CD86: variants seen among roughly 807,000 people sequenced by gnomAD.
The protein encoded by CD86 is CD86 molecule, also known as T-lymphocyte activation antigen CD86.
A neutral mutation model predicts 32.1 loss-of-function variants in CD86; 11 were observed. The observed-to-expected ratio is 0.34, with a 90% CI of 0.22 to 0.57. The LOEUF is 0.57. Ranked by LOEUF, CD86 falls within the 20% of genes least tolerant of loss-of-function variation. CD86 has a pLI of 0.86. For synonymous variants in CD86, 137 were observed against 135.3 expected (o/e 1.01, Z -0.09); for missense variants, 359 against 398.4 (o/e 0.90, Z 0.84).
chr3:122,066,325 A>G (rs2072412480), intron 1 of CD86, among the ~76,000 whole-genome samples: 1 of 152,210 alleles, frequency 6.6e-6, no homozygotes, highest in Admixed American at 6.5e-5. Flanking sequence ...TCAAGTGCAT[A>G]GCTCAGAGTA....
At chr3:122,067,614 CA>C (rs1452867364) in intron 1 of CD86, among the ~76,000 whole-genome samples, 4 of 152,176 alleles carry the variant, frequency 2.6e-5, no homozygotes, top group Non-Finnish European at 4.4e-5. Flanking sequence ...TGCAGTCCAC[CA>C]AATGCAAAGA....
At chr3:122,076,942 A>G (rs1162570006) in intron 1 of CD86, among the ~76,000 whole-genome samples, 2 of 152,134 alleles carry the variant, frequency 1.3e-5, no homozygotes, top group Non-Finnish European at 2.9e-5. Context: ...TTCCAAACCC[A>G]CACCCCTTCC....
intron 5 of CD86, among the ~76,000 whole-genome samples, chr3:122,111,066 C>G (rs756445198): frequency 2.1e-4 from 32 of 152,152 alleles, no homozygotes; most frequent in Non-Finnish European, 4.0e-4. Flanking sequence ...TCTGTAGGTA[C>G]AGATGAGATG....
intron 1 of CD86, among the ~76,000 whole-genome samples, chr3:122,080,936 A>G (rs568933480): frequency 6.6e-6 from 1 of 152,084 alleles, no homozygotes; most frequent in Non-Finnish European, 1.5e-5. Context: ...CTGCCTCTTT[A>G]CTGCTTCAGG....
At chr3:122,061,626 T>C (rs901453092) in intron 1 of CD86, among the ~76,000 whole-genome samples, 1 of 152,192 alleles carries the variant, frequency 6.6e-6, no homozygotes, top group Non-Finnish European at 1.5e-5. Flanking sequence ...CATTTGCCTT[T>C]ATGAAAAAAT....
chr3:122,066,588 T>A (rs2715269), intron 1 of CD86, among the ~76,000 whole-genome samples: 145,237 of 152,068 alleles, frequency 0.96, 69,703 homozygotes, highest in East Asian at 1. Context: ...ATAAATTTTT[T>A]AAAAAATATT....
intron 1 of CD86, among the ~76,000 whole-genome samples, chr3:122,067,015 AACAGCTTCCAC>A (rs1025797796): frequency 1.1e-4 from 17 of 152,148 alleles, no homozygotes; most frequent in Admixed American, 1.0e-3. Flanking sequence ...AGGCAGAAGA[AACAGCTTCCAC>A]AGAGGTAAAG....
chr3:122,063,658 G>A (rs1216037108), intron 1 of CD86, among the ~76,000 whole-genome samples: 2 of 150,016 alleles, frequency 1.3e-5, no homozygotes, highest in African/African-American at 2.5e-5. Flanking sequence ...GAGTGCAGTA[G>A]TGCAATCTCA....
chr3:122,067,719 C>T (rs2072434460), intron 1 of CD86, among the ~76,000 whole-genome samples: 1 of 152,126 alleles, frequency 6.6e-6, no homozygotes, highest in Non-Finnish European at 1.5e-5. Flanking sequence ...TGTTTGCAAT[C>T]TTAAATAAGA....
intron 4 of CD86, 22 bp downstream of exon 4, chr3:122,106,522 A>C (rs771346920): frequency 1.3e-6 from 2 of 1,569,182 alleles, no homozygotes; most frequent in Non-Finnish European, 8.7e-7. Flanking sequence ...TTCCAAGACT[A>C]TTTCTTTCAG....
At chr3:122,103,952 G>T (rs988275288) in intron 3 of CD86, 105 bp downstream of exon 3, 1 of 914,698 alleles carries the variant, frequency 1.1e-6, no homozygotes, top group African/African-American at 1.7e-5. Flanking sequence ...AGGGGAAAAG[G>T]GGGGTCTATA....
chr3:122,118,242 G>A (rs2073287014), intron 6 of CD86, 149 bp downstream of exon 6: 1 of 665,446 alleles, frequency 1.5e-6, no homozygotes, highest in Admixed American at 2.4e-5. Flanking sequence ...GTTAAGAACT[G>A]GAAGAAAATA....
intron 1 of CD86, among the ~76,000 whole-genome samples, chr3:122,084,430 A>G (rs148205869): frequency 1.3e-5 from 2 of 152,352 alleles, no homozygotes; most frequent in Non-Finnish European, 2.9e-5. Flanking sequence ...TGCACTGCAA[A>G]AGCAGCCATA....
chr3:122,106,547 A>G (rs1240539709), intron 4 of CD86, 47 bp downstream of exon 4: 1 of 1,492,754 alleles, frequency 6.7e-7, no homozygotes, highest in Non-Finnish European at 9.1e-7. Flanking sequence ...TATTATACAC[A>G]AATGCTTAAG....
chr3:122,099,803 C>T (rs1348290866), intron 2 of CD86, among the ~76,000 whole-genome samples: 3 of 152,166 alleles, frequency 2.0e-5, no homozygotes, highest in Non-Finnish European at 4.4e-5. Context: ...GTATCAATTG[C>T]TCAATAGCCA....
At chr3:122,108,215 A>G (rs1287994830) in intron 4 of CD86, among the ~76,000 whole-genome samples, 1 of 152,212 alleles carries the variant, frequency 6.6e-6, no homozygotes, top group Non-Finnish European at 1.5e-5. Context: ...CCTCAGGAAG[A>G]TGGGGCTTGC....
intron 1 of CD86, among the ~76,000 whole-genome samples, chr3:122,071,410 A>G (rs575756787): frequency 4.2e-4 from 64 of 152,122 alleles, no homozygotes; most frequent in African/African-American, 1.5e-3. Flanking sequence ...GACTTCTTTC[A>G]TTAAGCAATA....
chr3:122,088,983 A>T (rs1156560950), intron 1 of CD86, among the ~76,000 whole-genome samples: 1 of 152,228 alleles, frequency 6.6e-6, no homozygotes, highest in Non-Finnish European at 1.5e-5. Context: ...ATACAGTGGA[A>T]TATCATTTAG....
chr3:122,100,007 T>C (rs1461831186), intron 2 of CD86, among the ~76,000 whole-genome samples: 2 of 152,150 alleles, frequency 1.3e-5, no homozygotes, highest in Non-Finnish European at 2.9e-5. Context: ...GAGATTAGTA[T>C]ATTGAGATTA....
Sources: allele counts gnomAD v4.1 joint callset (sites outside exome capture counted in the v4.1 genomes callset), GRCh38; gene constraint gnomAD v4.1.1; transcripts MANE v1.5; gene names NCBI Gene and HGNC (gene_info 2026-07-23, HGNC 2026-07-21).